The following BANP variants were observed in gnomAD, a reference collection of about 807,000 sequenced individuals.
BANP encodes the protein protein BANP.
Under a neutral mutation model 68.1 loss-of-function variants are expected in BANP, and 11 were observed. The ratio of observed to expected loss-of-function variants is 0.16; its 90% CI spans 0.10 to 0.27. BANP has a LOEUF of 0.27. BANP is among the 10% of genes least tolerant of loss of function. The pLI, the probability that BANP is intolerant of heterozygous loss-of-function variation, is 1.00. For missense variants in BANP, 504 were observed against 722.7 expected (o/e 0.70, Z 3.47); for synonymous variants, 329 against 303.2 (o/e 1.09, Z -0.88).
At chr16:88,039,327 C>G (rs57003061) in intron 11 of BANP, among the ~76,000 whole-genome samples, 17,467 of 121,502 alleles carry the variant, frequency 0.14, 2,292 homozygotes, top group African/African-American at 0.29. Context: ...AGGCTGCGGT[C>G]GGCGCAGTGC....
chr16:87,972,719 T>G (rs1360787907), intron 1 of BANP, among the ~76,000 whole-genome samples: 1 of 152,240 alleles, frequency 6.6e-6, no homozygotes, highest in Non-Finnish European at 1.5e-5. Context: ...CTCTCTAGGC[T>G]CTGTTCTCCC....
intron 8 of BANP, among the ~76,000 whole-genome samples, chr16:88,030,782 A>G (rs897052561): frequency 9.2e-5 from 14 of 152,170 alleles, no homozygotes; most frequent in Non-Finnish European, 8.8e-5. Flanking sequence ...GAGCACACCC[A>G]TTCTTTGCTT....
At chr16:88,027,105 C>A (rs1043616708) in intron 7 of BANP, among the ~76,000 whole-genome samples, 5 of 152,232 alleles carry the variant, frequency 3.3e-5, no homozygotes, top group African/African-American at 1.2e-4. Context: ...TCTGGGCATT[C>A]AGGACCTTGG....
Position 88,036,325 on chromosome 16 carries a change from G to A in BANP, c.1272+931G>A, listed in dbSNP as rs1234444369. 1.3e-5 allele frequency among the ~76,000 whole-genome samples: 2 copies of A among 152,222 alleles called. No homozygotes were observed. Among genetic ancestry groups the A allele is most frequent in the Admixed American group, 6.5e-5 (1 of 15,286 alleles). On this transcript the variant is annotated intron_variant, in intron 10 of 13. Transcript: ENST00000682872. This position sits in a 1 kb window ranked among gnomAD's most constrained non-coding sequence, Gnocchi z 4.2. ...GCAGCAGAGACTAGGAAGCCCGGGT[G>A]CTGAGGTCAAGGGGACTCATGGAGA...
chr16:87,975,445 A>G (rs1194748130), intron 2 of BANP, among the ~76,000 whole-genome samples: 1 of 152,136 alleles, frequency 6.6e-6, no homozygotes, highest in East Asian at 1.9e-4. Flanking sequence ...CCTTGGGGGT[A>G]TGCGTGTGTT....
At chr16:87,955,317 C>G (rs1249155836) in intron 1 of BANP, among the ~76,000 whole-genome samples, 2 of 152,234 alleles carry the variant, frequency 1.3e-5, no homozygotes, top group East Asian at 3.8e-4. Flanking sequence ...CGCACACTTT[C>G]AGGCCCTACC....
At chr16:88,067,707 C>G (rs574852441) in intron 12 of BANP, among the ~76,000 whole-genome samples, 1 of 152,286 alleles carries the variant, frequency 6.6e-6, no homozygotes, top group East Asian at 1.9e-4. Flanking sequence ...GCTCTGGCCA[C>G]CCCTGCCCTG....
At chr16:88,074,622 C>T (rs576046393) in intron 13 of BANP, among the ~76,000 whole-genome samples, 3 of 152,128 alleles carry the variant, frequency 2.0e-5, no homozygotes, top group African/African-American at 7.2e-5. Context: ...CCACTGTCCC[C>T]ACCCACCCAA....
intron 8 of BANP, among the ~76,000 whole-genome samples, chr16:88,029,405 C>G (rs536340542): frequency 4.0e-5 from 6 of 149,292 alleles, no homozygotes; most frequent in African/African-American, 2.5e-5. Context: ...GTCAGGAGAT[C>G]GAGACCATCC....
At chr16:88,010,895 CGTGCACATG>C (rs1300869239) in intron 6 of BANP, among the ~76,000 whole-genome samples, 5 of 50,510 alleles carry the variant, frequency 9.9e-5, no homozygotes, top group Admixed American at 4.8e-4. Flanking sequence ...GAATGCCATT[CGTGCACATG>C]GAAAGGAGAG....
At chr16:88,013,545 C>T (rs1204202352) in intron 6 of BANP, among the ~76,000 whole-genome samples, 2 of 152,156 alleles carry the variant, frequency 1.3e-5, no homozygotes, top group African/African-American at 4.8e-5. Flanking sequence ...GGGACGGGCT[C>T]TCTCTCAGTG....
intron 2 of BANP, 34 bp from the exon 3 acceptor site, chr16:87,981,002 G>A (rs755991133): frequency 6.8e-7 from 1 of 1,474,890 alleles, no homozygotes; most frequent in African/African-American, 1.4e-5. Flanking sequence ...AACTTTTCAT[G>A]TTAAACATTT....
intron 12 of BANP, among the ~76,000 whole-genome samples, chr16:88,066,242 A>G (rs918000363): frequency 2.0e-5 from 3 of 152,240 alleles, no homozygotes; most frequent in Admixed American, 1.3e-4. Flanking sequence ...GAGGTTCACC[A>G]ACGTGGAACT....
Position 88,036,358 on chromosome 16 carries a change from G to A in BANP, c.1272+964G>A, listed in dbSNP as rs529285375. Among the ~76,000 whole-genome samples the A allele has an allele frequency of 8.5e-5, 13 of 152,304 alleles. No individual in the cohort carries two copies. In the South Asian group the frequency reaches 1.5e-3, roughly 17 times the overall value. Reference sequence around the variant, plus strand: ...CAAGGGGACTCATGGAGATGTTGGCGTGCGAGGCCTCCTGGGAGCTCATGC... The same window carrying A: ...CAAGGGGACTCATGGAGATGTTGGCATGCGAGGCCTCCTGGGAGCTCATGC... On this transcript the variant is annotated intron_variant, in intron 10 of 13. Coordinates refer to ENST00000682872, the MANE Select transcript of BANP (RefSeq NM_001386991.1). The surrounding 1 kb of genome is among the most constrained non-coding windows in gnomAD (Gnocchi z 4.2).
At chr16:88,022,585 C>G (rs529372258) in intron 7 of BANP, among the ~76,000 whole-genome samples, 5 of 152,326 alleles carry the variant, frequency 3.3e-5, no homozygotes, top group African/African-American at 7.2e-5. Flanking sequence ...GACCTGGCCC[C>G]GTTGTGTCTT....
chr16:88,030,797 G>T lies in BANP; in HGVS notation c.1064-2312G>T, dbSNP rs74040267. Among the ~76,000 whole-genome samples the T allele has an allele frequency of 9.3e-3, 1,415 of 152,308 alleles. 22 individuals carry two copies. Among genetic ancestry groups the T allele is most frequent in the African/African-American group, 0.032 (1,330 of 41,574 alleles). On this transcript the variant is annotated intron_variant, in intron 8 of 13. Transcript: ENST00000682872. The stretch of plus-strand genomic sequence containing the variant: ...GAGCACACCCATTCTTTGCTTGTCT[G>T]CCCTGTGGCCCCAGTGGAGTGTTTT...
intron 11 of BANP, among the ~76,000 whole-genome samples, chr16:88,053,742 T>TACC (rs200764234): frequency 6.0e-5 from 7 of 115,798 alleles, no homozygotes; most frequent in Non-Finnish European, 1.1e-4. Context: ...CCACCACCTC[T>TACC]ACTGTCATCT....
intron 1 of BANP, among the ~76,000 whole-genome samples, chr16:87,973,769 A>G (rs959956286): frequency 1.3e-4 from 10 of 78,126 alleles, no homozygotes; most frequent in South Asian, 3.5e-4. Context: ...AAAAAAAAAA[A>G]AAAAAGAAAA....
At chr16:88,056,298 T>C (rs1352011668) in intron 11 of BANP, among the ~76,000 whole-genome samples, 3 of 152,238 alleles carry the variant, frequency 2.0e-5, no homozygotes, top group African/African-American at 7.2e-5. Flanking sequence ...GCTTGAGTGA[T>C]GACTAGTCAG....
Sources: gnomAD v4.1 joint callset for allele counts (sites outside exome capture counted in the v4.1 genomes callset) on GRCh38, gnomAD v4.1.1 for gene constraint, Gnocchi (gnomAD v3.1) non-coding constraint, MANE v1.5 for transcripts, NCBI Gene and HGNC (gene_info 2026-07-23, HGNC 2026-07-21) for gene names.